CHD6: variants seen among roughly 807,000 people sequenced by gnomAD.
CHD6 encodes chromodomain helicase DNA binding protein 6.
A neutral mutation model predicts 276.9 loss-of-function variants in CHD6; 50 were observed. The ratio of observed to expected loss-of-function variants is 0.18; its 90% confidence interval spans 0.14 to 0.23. The LOEUF (loss-of-function observed/expected upper bound fraction) is 0.23, where lower values mean the gene tolerates loss of function less well. Among genes scored for constraint, CHD6 ranks in the 10% least tolerant of loss-of-function variants. The probability of loss-of-function intolerance (pLI) is 1.00; values close to 1 mark genes in which losing one functional copy is unlikely to be tolerated. For synonymous variants in CHD6, 1,173 were observed against 1,229.3 expected (o/e 0.95, Z 0.96); for missense variants, 2,564 against 3,365.8 (o/e 0.76, Z 5.89).
At chr20:41,584,363 G>C (rs773491258) in intron 1 of CHD6, among the ~76,000 whole-genome samples, 1 of 152,128 alleles carries the variant, frequency 6.6e-6, no homozygotes, top group Non-Finnish European at 1.5e-5. Context: ...ATTGTAAGGA[G>C]AAATACACAT....
chr20:41,426,804 T>C (rs1049665565), intron 27 of CHD6, among the ~76,000 whole-genome samples: 1 of 152,216 alleles, frequency 6.6e-6, no homozygotes, highest in African/African-American at 2.4e-5. Flanking sequence ...CAAATCCTTC[T>C]TGGTCTCAGG....
intron 25 of CHD6, among the ~76,000 whole-genome samples, chr20:41,441,432 G>C (rs1484460234): frequency 2.0e-5 from 3 of 152,154 alleles, no homozygotes; most frequent in Non-Finnish European, 4.4e-5. Flanking sequence ...CTTTTAAGGA[G>C]GTTCCAGTCA....
chr20:41,503,562 T>C (rs1038639838), intron 5 of CHD6, among the ~76,000 whole-genome samples: 6 of 152,326 alleles, frequency 3.9e-5, no homozygotes, highest in Admixed American at 3.9e-4. Flanking sequence ...CCACCAGATT[T>C]TCTCTTGTGG....
At chr20:41,491,545 A>C (rs1235138130) in intron 11 of CHD6, among the ~76,000 whole-genome samples, 153 bp downstream of exon 11, 2 of 151,862 alleles carry the variant, frequency 1.3e-5, no homozygotes, top group African/African-American at 4.8e-5. Flanking sequence ...AAATAAAGTA[A>C]GTCTTGGATG....
At chr20:41,569,988 T>C (rs1170155632) in intron 1 of CHD6, among the ~76,000 whole-genome samples, 2 of 152,112 alleles carry the variant, frequency 1.3e-5, no homozygotes, top group African/African-American at 2.4e-5. Flanking sequence ...CCATCATCAG[T>C]CCAAGCACTG....
intron 35 of CHD6, among the ~76,000 whole-genome samples, chr20:41,412,689 G>A (rs376230884): frequency 6.6e-6 from 1 of 152,132 alleles, no homozygotes; most frequent in African/African-American, 2.4e-5. Flanking sequence ...TATCTTATTA[G>A]TTAGGCGCAC....
intron 2 of CHD6, among the ~76,000 whole-genome samples, chr20:41,534,091 T>G (rs748934682): frequency 6.6e-6 from 1 of 152,202 alleles, no homozygotes; most frequent in Non-Finnish European, 1.5e-5. Flanking sequence ...AGAAGTTATA[T>G]CTCATTCTTT....
intron 1 of CHD6, among the ~76,000 whole-genome samples, chr20:41,569,971 T>C (rs147330667): frequency 1.3e-5 from 2 of 152,290 alleles, no homozygotes; most frequent in African/African-American, 4.8e-5. Context: ...TGTTCCAATG[T>C]TCCCTTCCAT....
At chr20:41,486,774 A>G (rs1346380430) in intron 14 of CHD6, among the ~76,000 whole-genome samples, 1 of 152,030 alleles carries the variant, frequency 6.6e-6, no homozygotes, top group African/African-American at 2.4e-5. Flanking sequence ...TTTCCAATTC[A>G]TCCACTCTGT....
chr20:41,416,535 G>A, intron 33 of CHD6, 53 bp downstream of exon 33: 2 of 1,509,688 alleles, frequency 1.3e-6, no homozygotes, highest in Non-Finnish European at 1.8e-6. Flanking sequence ...ACAGAGACGT[G>A]GAACACGCCC....
intron 1 of CHD6, chr20:41,563,919 C>T (rs2045328118): frequency 1.6e-6 from 1 of 627,214 alleles, no homozygotes; most frequent in Non-Finnish European, 2.9e-6. Context: ...ACAAACAACA[C>T]TCTATATATT....
chr20:41,484,906 C>G (rs77856143), intron 14 of CHD6, among the ~76,000 whole-genome samples: 3 of 152,246 alleles, frequency 2.0e-5, no homozygotes, highest in Non-Finnish European at 4.4e-5. Flanking sequence ...ACATGTCTCT[C>G]TGTCATTCTT....
intron 5 of CHD6, among the ~76,000 whole-genome samples, chr20:41,507,572 T>C (rs1018566697): frequency 2.0e-5 from 3 of 152,168 alleles, no homozygotes; most frequent in African/African-American, 4.8e-5. Flanking sequence ...TTTTTTTTCC[T>C]GAACAGAGAT....
intron 30 of CHD6, 101 bp from the exon 31 acceptor site, chr20:41,422,180 G>A: frequency 2.4e-6 from 3 of 1,239,298 alleles, no homozygotes; most frequent in Non-Finnish European, 2.2e-6. Flanking sequence ...TAGCTCCCTG[G>A]CTCCTCAGCA....
intron 17 of CHD6, chr20:41,461,771 A>G (rs940618068): frequency 2.0e-5 from 3 of 152,418 alleles, no homozygotes; most frequent in Admixed American, 6.5e-5. Context: ...CTTAGACTCA[A>G]CAATCCTGGT....
chr20:41,412,391 T>TA (rs1463272025), intron 35 of CHD6, 128 bp from the exon 36 acceptor site: 1 of 1,060,820 alleles, frequency 9.4e-7, no homozygotes, highest in Non-Finnish European at 1.4e-6. Context: ...CTGGCCAGGT[T>TA]AAACTAAAGG....
At chr20:41,419,554 C>CA (rs58696183) in intron 31 of CHD6, among the ~76,000 whole-genome samples, 374 of 23,466 alleles carry the variant, frequency 0.016, 126 homozygotes, top group Admixed American at 0.024. Flanking sequence ...GACTCTGTCT[C>CA]AAAAAAAAAA....
chr20:41,543,620 A>G lies in CHD6; in HGVS notation c.33+7685T>C, dbSNP rs367802447. On this transcript the variant is annotated intron_variant, in intron 2 of 36. Transcript: ENST00000373233. ...ATATTAAATAAATGTAGTAGGACAT[A>G]TATTAAATAAATGATGTCTAAGACT... Among the ~76,000 whole-genome samples the G allele has an allele frequency of 3.3e-5, 5 of 152,242 alleles. 1 individual carries two copies. The highest frequency in any genetic ancestry group is 1.2e-4 in the African/African-American group (5 of 41,466).
intron 27 of CHD6, among the ~76,000 whole-genome samples, chr20:41,435,080 T>C (rs2047664060): frequency 6.6e-6 from 1 of 151,818 alleles, no homozygotes; most frequent in African/African-American, 2.4e-5. Flanking sequence ...AATGGGGAAA[T>C]CTCCAAACAC....
Sources: allele counts gnomAD v4.1 joint callset (sites outside exome capture counted in the v4.1 genomes callset), GRCh38; gene constraint gnomAD v4.1.1; transcripts MANE v1.5; gene names NCBI Gene and HGNC (gene_info 2026-07-23, HGNC 2026-07-21).